The following KIAA1958 variants were observed in gnomAD, a reference collection of about 807,000 sequenced individuals.
The protein encoded by KIAA1958 is uncharacterized protein KIAA1958.
In KIAA1958, 14 loss-of-function variants were observed where a neutral mutation model predicts 47.2. The observed-to-expected ratio is 0.30, with a 90% CI of 0.20 to 0.46. The LOEUF (loss-of-function observed/expected upper bound fraction) is 0.46, where lower values mean the gene tolerates loss of function less well. Ranked by LOEUF, KIAA1958 falls within the 20% of genes least tolerant of loss-of-function variation. KIAA1958 has a pLI of 1.00. For synonymous variants in KIAA1958, 354 were observed against 353.3 expected, an observed-to-expected ratio of 1.00 and a Z score of -0.02; for missense variants, 803 against 909.2, an observed-to-expected ratio of 0.88 and a Z score of 1.50.
intron 2 of KIAA1958, among the ~76,000 whole-genome samples, chr9:112,636,858 A>G (rs1378877761): frequency 2.6e-5 from 4 of 152,192 alleles, no homozygotes; most frequent in Non-Finnish European, 5.9e-5. Flanking sequence ...GAATATCTAT[A>G]ATAATGGATA....
chr9:112,595,485 A>AC (rs1193626521), intron 2 of KIAA1958, among the ~76,000 whole-genome samples: 23 of 152,118 alleles, frequency 1.5e-4, no homozygotes, highest in Middle Eastern at 6.8e-3. Flanking sequence ...ACGTGGTGAA[A>AC]CCCCATCTCT....
At position 112,668,601 on chromosome 9, in the gene KIAA1958, A is replaced by G. The variant is rs1385212113; in HGVS notation, c.*8532A>G. The G allele has an allele frequency of 6.6e-6, 1 of 152,212 alleles. No individual in the cohort carries two copies. Among genetic ancestry groups the G allele is most frequent in the Non-Finnish European group, 1.5e-5 (1 of 68,048 alleles). The allele number at this position is 152,212 out of a possible 1,614,324, so 9.4% of individuals were successfully genotyped here. ...TAGAGTATCGTCAGCTCTGATGCTC[A>G]GTTTCTTCCTGGCAATAGAATGGTT... On this transcript the variant is annotated 3_prime_UTR_variant, in exon 4 of 4. Coordinates refer to ENST00000337530, the MANE Select transcript of KIAA1958 (RefSeq NM_133465.4).
intron 1 of KIAA1958, among the ~76,000 whole-genome samples, chr9:112,570,978 G>C (rs1344113706): frequency 6.6e-6 from 1 of 152,212 alleles, no homozygotes; most frequent in Non-Finnish European, 1.5e-5. Context: ...CTCCAGTTCT[G>C]ATGTCCAAGG....
At chr9:112,568,087 C>T (rs1835459148) in intron 1 of KIAA1958, among the ~76,000 whole-genome samples, 1 of 151,244 alleles carries the variant, frequency 6.6e-6, no homozygotes, top group Admixed American at 6.6e-5. Context: ...CAGAACACTT[C>T]ATAGGTCACT....
At chr9:112,545,673 A>G (rs1172482352) in intron 1 of KIAA1958, among the ~76,000 whole-genome samples, 1 of 152,124 alleles carries the variant, frequency 6.6e-6, no homozygotes, top group East Asian at 1.9e-4. Flanking sequence ...TTTTCTACTT[A>G]CAGAGCATCT....
At chr9:112,592,043 G>C (rs1353051207) in intron 2 of KIAA1958, among the ~76,000 whole-genome samples, 1 of 152,150 alleles carries the variant, frequency 6.6e-6, no homozygotes, top group Non-Finnish European at 1.5e-5. Context: ...AACTAATTCT[G>C]ATTGGCTAAT....
At chr9:112,492,352 A>G (rs1320474579) in intron 1 of KIAA1958, among the ~76,000 whole-genome samples, 2 of 152,210 alleles carry the variant, frequency 1.3e-5, no homozygotes, top group South Asian at 2.1e-4. Context: ...AACATCACTT[A>G]CATTGGATTA....
rs1837301118 is a variant in KIAA1958 at position 112,662,822 on chromosome 9, C to G, written c.*2753C>G. ...AAATAAAAAATAAAATGGCGAAGCA[C>G]CTGTCCATGTGTTTGGCCAAAGCCG... On this transcript the variant is annotated 3_prime_UTR_variant, in exon 4 of 4. Coordinates refer to ENST00000337530, the MANE Select transcript of KIAA1958 (RefSeq NM_133465.4). The G allele has an allele frequency of 6.6e-6, 1 of 152,340 alleles. No individual in the cohort carries two copies. Among genetic ancestry groups the G allele is most frequent in the Non-Finnish European group, 1.5e-5 (1 of 68,182 alleles). 9.4% of individuals were successfully genotyped at this position (152,340 alleles called of 1,614,324 possible).
chr9:112,499,395 T>TC (rs1161972483), intron 1 of KIAA1958, among the ~76,000 whole-genome samples: 1 of 152,202 alleles, frequency 6.6e-6, no homozygotes, highest in Non-Finnish European at 1.5e-5. Flanking sequence ...CTGAAGGTGC[T>TC]CCCATTCTAC....
At chr9:112,545,156 G>A (rs1835006338) in intron 1 of KIAA1958, among the ~76,000 whole-genome samples, 1 of 152,008 alleles carries the variant, frequency 6.6e-6, no homozygotes, top group South Asian at 2.1e-4. Context: ...TAGTTTTTCT[G>A]GTCTACCGTT....
chr9:112,584,874 A>G (rs144721664), intron 2 of KIAA1958, among the ~76,000 whole-genome samples: 62 of 152,156 alleles, frequency 4.1e-4, no homozygotes, highest in African/African-American at 1.5e-3. Flanking sequence ...AGCATGCACC[A>G]TGCTCCCCGC....
intron 2 of KIAA1958, among the ~76,000 whole-genome samples, chr9:112,635,737 T>C (rs1359144277): frequency 6.6e-6 from 1 of 152,188 alleles, no homozygotes. Flanking sequence ...ATAATTAACA[T>C]GTTTTTCATT....
intron 2 of KIAA1958, among the ~76,000 whole-genome samples, chr9:112,622,598 T>C (rs904723587): frequency 2.6e-5 from 4 of 152,228 alleles, no homozygotes; most frequent in African/African-American, 9.6e-5. Context: ...GACTTATAAA[T>C]ATATATCAGC....
intron 1 of KIAA1958, among the ~76,000 whole-genome samples, chr9:112,507,539 G>A (rs1834252226): frequency 1.3e-5 from 2 of 151,970 alleles, no homozygotes; most frequent in South Asian, 4.2e-4. Context: ...TATAGAGATA[G>A]GGCCTCACAA....
rs142426585 is a variant in KIAA1958 at position 112,503,348 on chromosome 9, C to G, written c.-25+16230C>G. Among the ~76,000 whole-genome samples, 456 of 152,014 alleles carry G rather than the reference C, an allele frequency of 3.0e-3. 2 individuals are homozygous for G. The highest frequency in any genetic ancestry group is 0.011 in the African/African-American group (436 of 41,464). ...AGTTGGAAATGTGCCCTGATATGTT[C>G]TAGGAACAAGAATTTCAAGAGCTGG... is the stretch of plus-strand genomic sequence containing the variant. On this transcript the variant is annotated intron_variant, in intron 1 of 3. Transcript: ENST00000337530.
At position 112,593,867 on chromosome 9, in the gene KIAA1958, T is replaced by TTGTTTTGTTC. The variant is rs1835969148; in HGVS notation, c.1171+18625_1171+18626insCTGTTTTGTT. Among the ~76,000 whole-genome samples the TTGTTTTGTTC allele has an allele frequency of 2.6e-5, 4 of 151,648 alleles. No individual in the cohort carries two copies. In the South Asian group the frequency reaches 8.4e-4, roughly 32 times the overall value. ...TTGTTTTGTTTTGTTTTGTTTTGTT[T>TTGTTTTGTTC]TGTTTTGTTTTTTAGACAGCAGAGT... On this transcript the variant is annotated intron_variant, in intron 2 of 3. Transcript: ENST00000337530.
At chr9:112,496,943 G>A (rs764391306) in intron 1 of KIAA1958, among the ~76,000 whole-genome samples, 1 of 152,014 alleles carries the variant, frequency 6.6e-6, no homozygotes, top group African/African-American at 2.4e-5. Flanking sequence ...CTACTTATCT[G>A]TTGTCCATAG....
intron 2 of KIAA1958, among the ~76,000 whole-genome samples, chr9:112,589,925 T>C (rs1325384313): frequency 6.6e-6 from 1 of 152,220 alleles, no homozygotes; most frequent in Non-Finnish European, 1.5e-5. Flanking sequence ...ATAGCCATTA[T>C]AAGTTTTTCA....
chr9:112,487,025 CT>C lies in KIAA1958; in HGVS notation c.-116del. On this transcript the variant is annotated 5_prime_UTR_variant, in exon 1 of 4. Coordinates refer to ENST00000337530, the MANE Select transcript of KIAA1958 (RefSeq NM_133465.4). The stretch of plus-strand genomic sequence containing the variant: ...CCGCTCTCCTCCCGCCCTCGCGCCC[CT>C]TCGGCCCGTCCCGTCCAGCCCGGGC... The C allele has an allele frequency of 5.1e-6, 1 of 197,902 alleles. No individual in the cohort carries two copies. Among genetic ancestry groups the C allele is most frequent in the Non-Finnish European group, 1.0e-5 (1 of 97,626 alleles). 12.3% of individuals were successfully genotyped at this position (197,902 alleles called of 1,614,324 possible). A position where few individuals can be genotyped will look rare whatever the true frequency, so the allele number is the denominator to read the frequency against.
Sources: gnomAD v4.1 joint callset for allele counts (sites outside exome capture counted in the v4.1 genomes callset) on GRCh38, gnomAD v4.1.1 for gene constraint, MANE v1.5 for transcripts, NCBI Gene and HGNC (gene_info 2026-07-23, HGNC 2026-07-21) for gene names.